MROH7: variants seen among roughly 807,000 people sequenced by gnomAD.
The protein encoded by MROH7 is maestro heat like repeat family member 7.
MROH7 carries 113 observed loss-of-function variants against 129.2 expected under a neutral mutation model. The observed-to-expected ratio is 0.87, with a 90% CI of 0.75 to 1.02. The LOEUF (loss-of-function observed/expected upper bound fraction) is 1.02, where lower values mean the gene tolerates loss of function less well. Ranked by LOEUF, MROH7 falls within the 50% of genes least tolerant of loss-of-function variation. MROH7 has a pLI of 0.00. For missense variants in MROH7, 1,601 were observed against 1,671.3 expected (o/e 0.96, Z 0.73); for synonymous variants, 655 against 667.9 (o/e 0.98, Z 0.30).
intron 15 of MROH7, among the ~76,000 whole-genome samples, chr1:54,690,443 T>C (rs1645215522): frequency 6.6e-6 from 1 of 151,810 alleles, no homozygotes; most frequent in Non-Finnish European, 1.5e-5. Flanking sequence ...CAGAAGTTTT[T>C]TTTTTTTTCC....
At chr1:54,702,281 C>A in intron 20 of MROH7, 36 bp downstream of exon 20, 3 of 1,383,684 alleles carry the variant, frequency 2.2e-6, no homozygotes, top group Non-Finnish European at 2.8e-6. Flanking sequence ...TCTACCCCTC[C>A]CTCGGGTCCT....
chr1:54,695,954 G>A (rs1645315827), intron 17 of MROH7: 1 of 298,070 alleles, frequency 3.4e-6, no homozygotes, highest in Admixed American at 4.9e-5. Flanking sequence ...TCCTGGAGGA[G>A]GTGACATCTA....
Position 54,672,139 on chromosome 1 carries a change from A to G in MROH7, c.1600-952A>G, listed in dbSNP as rs550186639. On this transcript the variant is annotated intron_variant, in intron 7 of 23. Coordinates refer to ENST00000421030, the MANE Select transcript of MROH7 (RefSeq NM_001039464.4). ...AGCATCCCGGAGGTGGTGCCCTTGG[A>G]GAAGACTGGGGTTGTGGGGGTGACT... Among the ~76,000 whole-genome samples the G allele has an allele frequency of 1.6e-4, 24 of 152,150 alleles. 1 individual carries two copies. The South Asian group carries it at 4.8e-3, about 30-fold the overall frequency.
Position 54,710,041 on chromosome 1 carries a change from T to G in MROH7, c.3826T>G (p.Trp1276Gly). The G allele has an allele frequency of 6.2e-7, 1 of 1,614,150 alleles. No homozygotes were observed. Among genetic ancestry groups the G allele is most frequent in the Non-Finnish European group, 8.5e-7 (1 of 1,180,024 alleles). Residue 1276 changes from tryptophan to glycine, a missense_variant, in exon 24 of 24, where the codon TGG (tryptophan) becomes GGG (glycine). Coordinates refer to ENST00000421030, the MANE Select transcript of MROH7 (RefSeq NM_001039464.4). Reference sequence around the variant, plus strand: ...CCTGGCCAGCTGCTGGCAGAACTCCTGGCTGCCGCACGGGAACTCATGGGT... The same window carrying G: ...CCTGGCCAGCTGCTGGCAGAACTCCGGGCTGCCGCACGGGAACTCATGGGT... Reference protein sequence around the residue: ...HILASCWQNSWLPHGNSWVCY... With the variant: ...HILASCWQNSGLPHGNSWVCY...
intron 1 of MROH7, among the ~76,000 whole-genome samples, chr1:54,644,007 A>C (rs1353680804): frequency 6.6e-6 from 1 of 152,090 alleles, no homozygotes; most frequent in Non-Finnish European, 1.5e-5. Flanking sequence ...ATTCTTCAGA[A>C]GTTTAATCAT....
intron 13 of MROH7, 85 bp from the exon 14 acceptor site, chr1:54,682,571 C>A: frequency 1.4e-6 from 2 of 1,405,244 alleles, no homozygotes; most frequent in South Asian, 2.7e-5. Context: ...TGGCATCTTA[C>A]CTTCCCCCTC....
In MROH7 at chr1:54,707,632, G is replaced by T. The variant is rs150892734; in HGVS notation, c.3667+1095G>T. On this transcript the variant is annotated intron_variant, in intron 22 of 23. Transcript: ENST00000421030. ...CTACGTGCTGATTTCTTTAAATCTTGCTCTAAATTAATCACTTCTAAAATG... is the reference window on the plus strand; with the variant it reads ...CTACGTGCTGATTTCTTTAAATCTTTCTCTAAATTAATCACTTCTAAAATG... Among the ~76,000 whole-genome samples, 16 of 152,252 alleles carry T rather than the reference G, an allele frequency of 1.1e-4. No individual in the cohort carries two copies. In the East Asian group the frequency reaches 1.9e-3, roughly 18 times the overall value.
At chr1:54,675,432 G>C (rs1416456193) in intron 10 of MROH7, among the ~76,000 whole-genome samples, 3 of 152,026 alleles carry the variant, frequency 2.0e-5, no homozygotes, top group Non-Finnish European at 4.4e-5. Flanking sequence ...CACTCTTCTT[G>C]ATCTCTAGCA....
At position 54,709,998 on chromosome 1, in the gene MROH7, C is replaced by T. The variant is rs1317891660; in HGVS notation, c.3783C>T (p.Ala1261=). 1 of 1,614,130 alleles carries T rather than the reference C, an allele frequency of 6.2e-7. No homozygotes were observed. The highest frequency in any genetic ancestry group is 1.1e-5 in the South Asian group (1 of 91,078). The change falls in exon 24 of 24, where the codon GCC becomes GCT. Residue 1261 remains alanine (A), a synonymous_variant. Coordinates refer to ENST00000421030, the MANE Select transcript of MROH7 (RefSeq NM_001039464.4). ...DPEASVCIYA[A]QVQDHILASC... is the part of the protein sequence containing the mutation. The stretch of plus-strand genomic sequence containing the variant: ...AAGCATCAGTGTGCATCTACGCAGC[C>T]CAGGTCCAGGACCACATCCTGGCCA...
rs965592151 is a variant in MROH7 at position 54,703,950 on chromosome 1, A to G, written c.3564+1205A>G. Among the ~76,000 whole-genome samples the G allele has an allele frequency of 6.6e-6, 1 of 152,174 alleles. No homozygotes were observed. The highest frequency in any genetic ancestry group is 1.5e-5 in the Non-Finnish European group (1 of 68,030). ...CTGTGTTCATCTGTCACTGGATGCC[A>G]GTCACCCTGGGAAGGGCTTGACCTT... is the stretch of plus-strand genomic sequence containing the variant. On this transcript the variant is annotated intron_variant, in intron 21 of 23. Coordinates refer to ENST00000421030, the MANE Select transcript of MROH7 (RefSeq NM_001039464.4). The surrounding 1 kb of genome is among the most constrained non-coding windows in gnomAD (Gnocchi z 4.4).
chr1:54,674,109 G>C lies in MROH7; in HGVS notation c.1894G>C (p.Asp632His). Reference sequence around the variant, plus strand: ...TGAGGAGATTGGCTGTGAGGCTCTGGACGGCATCATCATCCTCTACACTAT... The same window carrying C: ...TGAGGAGATTGGCTGTGAGGCTCTGCACGGCATCATCATCCTCTACACTAT... ...PDEEIGCEAL[D>H]GIIILYTILE... Residue 632 changes from aspartate (D) to histidine (H), a missense_variant, in exon 10 of 24, where the codon GAC (aspartate) becomes CAC (histidine). Transcript: ENST00000421030. The C allele has an allele frequency of 1.9e-6, 3 of 1,614,050 alleles. No homozygotes were observed. Among genetic ancestry groups the C allele is most frequent in the Non-Finnish European group, 2.5e-6 (3 of 1,179,984 alleles).
chr1:54,673,682 C>G lies in MROH7; in HGVS notation c.1696-19C>G. On this transcript the variant is annotated intron_variant, in intron 8 of 23. Transcript: ENST00000421030. ...TGTCATCTAACCTGTAGTTCTGAGT[C>G]TTGCTTTTGATCCCACAGGCCCTGG... is the stretch of plus-strand genomic sequence containing the variant. The G allele has an allele frequency of 6.3e-7, 1 of 1,597,650 alleles. No homozygotes were observed.
In MROH7 at chr1:54,700,366, C is replaced by T. The variant is rs1188973726; in HGVS notation, c.3010C>T (p.Leu1004=). 1 of 1,614,118 alleles carries T rather than the reference C, an allele frequency of 6.2e-7. No homozygotes were observed. Among genetic ancestry groups the T allele is most frequent in the Admixed American group, 1.7e-5 (1 of 60,024 alleles). ...QVRRIPEEYS[L]GRMAEGLSHH... ...GCGCCGGATCCCCGAGGAATACTCT[C>T]TGGGGCGGATGGCAGAAGGCCTGAG... The change falls in exon 18 of 24, where the codon CTG becomes TTG. Residue 1004 remains leucine, a synonymous_variant. Coordinates refer to ENST00000421030, the MANE Select transcript of MROH7 (RefSeq NM_001039464.4).
intron 20 of MROH7, 92 bp downstream of exon 20, chr1:54,702,337 A>C: frequency 8.6e-7 from 1 of 1,165,172 alleles, no homozygotes; most frequent in East Asian, 3.0e-5. Flanking sequence ...GTCTCAAACA[A>C]TCCTGGGGGC....
chr1:54,658,284 A>G (rs1194825723), intron 3 of MROH7, among the ~76,000 whole-genome samples: 5 of 152,222 alleles, frequency 3.3e-5, no homozygotes, highest in African/African-American at 1.2e-4. Flanking sequence ...AAAATAGACC[A>G]ACCATAAATG....
Position 54,701,150 on chromosome 1 carries a change from A to C in MROH7, c.3113A>C (p.Lys1038Thr), listed in dbSNP as rs1645428450. The C allele has an allele frequency of 6.2e-7, 1 of 1,613,654 alleles. No homozygotes were observed. Among genetic ancestry groups the C allele is most frequent in the Non-Finnish European group, 8.5e-7 (1 of 1,180,038 alleles). The change falls in exon 19 of 24, where the codon AAG (lysine) becomes ACG (threonine). Residue 1038 changes from lysine to threonine, a missense_variant. Physicochemically the swap from Lys to Thr is moderately conservative, Grantham distance 78. Transcript: ENST00000421030. ...AATGCTCCTGCCCCACAGACCGCCA[A>C]GGTGAAGGCCCTCCTGCCCTCCATG... ...ILARRSEKTA[K>T]VKALLPSMVK...
At chr1:54,657,288 T>C (rs2659485) in intron 3 of MROH7, among the ~76,000 whole-genome samples, 83,007 of 151,706 alleles carry the variant, frequency 0.55, 24,016 homozygotes, top group Non-Finnish European at 0.66. Context: ...TGGGCTCAAG[T>C]GATCCACTGC....
chr1:54,699,159 T>TTTCTTTTTC lies in MROH7; in HGVS notation c.2965-1160_2965-1159insCTTTTTCTT, dbSNP rs71048705. 4 of 65,976 alleles carry TTTCTTTTTC rather than the reference T, an allele frequency of 6.1e-5. No homozygotes were observed. In the Admixed American group the frequency reaches 6.3e-4, roughly 10 times the overall value. The allele number at this position is 65,976 out of a possible 1,614,324, so 4.1% of individuals were successfully genotyped here. ...CTTTCTTTCTTTCTTTCTTTCTTTCTTTTCTTTCTTTCTTTCTTTCTTTCT... is the reference window on the plus strand; with the variant it reads ...CTTTCTTTCTTTCTTTCTTTCTTTCTTTCTTTTTCTTTCTTTCTTTCTTTCTTTCTTTCT... On this transcript the variant is annotated intron_variant, in intron 17 of 23. Coordinates refer to ENST00000421030, the MANE Select transcript of MROH7 (RefSeq NM_001039464.4).
chr1:54,678,408 C>T (rs149561166), intron 10 of MROH7, among the ~76,000 whole-genome samples: 84 of 152,328 alleles, frequency 5.5e-4, no homozygotes, highest in African/African-American at 2.0e-3. Flanking sequence ...GGATGAATCT[C>T]AACCATATAA....
Sources: allele counts gnomAD v4.1 joint callset (sites outside exome capture counted in the v4.1 genomes callset), GRCh38; gene constraint gnomAD v4.1.1; non-coding constraint Gnocchi (gnomAD v3.1); transcripts MANE v1.5; gene names NCBI Gene and HGNC (gene_info 2026-07-23, HGNC 2026-07-21).